TG: variants seen among roughly 807,000 people sequenced by gnomAD.
The protein encoded by TG is thyroglobulin.
In TG, 270 loss-of-function variants were observed where a neutral mutation model predicts 324.7. That is an observed-to-expected ratio of 0.83 (90% CI 0.75 to 0.92). The LOEUF (loss-of-function observed/expected upper bound fraction) is 0.92. Among genes scored for constraint, TG ranks in the 40% least tolerant of loss-of-function variants. The probability of loss-of-function intolerance (pLI) is 0.00; values close to 1 mark genes in which losing one functional copy is unlikely to be tolerated. For missense variants in TG, 3,591 were observed against 3,456.4 expected, an observed-to-expected ratio of 1.04 and a Z score of -0.98; for synonymous variants, 1,401 against 1,327.0, an observed-to-expected ratio of 1.06 and a Z score of -1.21.
intron 39 of TG, 34 bp from the exon 40 acceptor site, chr8:133,021,957 A>G (rs377046841): frequency 8.1e-5 from 131 of 1,613,688 alleles, no homozygotes; most frequent in Non-Finnish European, 1.1e-4. Context: ...TGCCCTCCCC[A>G]CACTTTAGCC....
In TG at chr8:132,867,041, T is replaced by G. The variant is rs577354103; in HGVS notation, c.41T>G (p.Ile14Ser). The G allele has an allele frequency of 3.1e-6, 5 of 1,601,908 alleles. No homozygotes were observed. Among genetic ancestry groups the G allele is most frequent in the Non-Finnish European group, 4.3e-6 (5 of 1,173,298 alleles). The part of the protein sequence containing the change: ...VLEIFTLLAS[I>S]CWVSANIFEY... ...GAGATCTTCACCCTGCTGGCCTCCATCTGCTGGGTGTCGGCCAATATCTTC... is the reference window on the plus strand; with the variant it reads ...GAGATCTTCACCCTGCTGGCCTCCAGCTGCTGGGTGTCGGCCAATATCTTC... Residue 14 changes from isoleucine (I) to serine (S), a missense_variant, in exon 1 of 48, where the codon ATC (isoleucine) becomes AGC (serine). Physicochemically the swap from Ile to Ser is moderately radical, Grantham distance 142 (BLOSUM62 -2). Transcript: ENST00000220616.
At chr8:132,871,156 C>G (rs1839446006) in intron 3 of TG, among the ~76,000 whole-genome samples, 192 bp from the exon 4 acceptor site, 2 of 152,178 alleles carry the variant, frequency 1.3e-5, no homozygotes, top group African/African-American at 4.8e-5. Flanking sequence ...GCGAGATCAG[C>G]CCTTCTCTGA....
chr8:132,924,141 G>A (rs1821491320), intron 22 of TG, among the ~76,000 whole-genome samples: 1 of 151,840 alleles, frequency 6.6e-6, no homozygotes, highest in Admixed American at 6.6e-5. Flanking sequence ...TGGGGGTGAT[G>A]GGAGACAGTG....
intron 26 of TG, among the ~76,000 whole-genome samples, chr8:132,948,355 G>C (rs1461234504): frequency 2.0e-5 from 3 of 152,058 alleles, no homozygotes; most frequent in African/African-American, 7.2e-5. Flanking sequence ...GAATATGATG[G>C]GAAATGAGGC....
chr8:133,053,555 A>C (rs761404945), intron 41 of TG, among the ~76,000 whole-genome samples: 3 of 152,182 alleles, frequency 2.0e-5, no homozygotes, highest in Non-Finnish European at 2.9e-5. Context: ...AAACGTGTTG[A>C]AATGGGGAGG....
chr8:133,096,074 C>T, intron 42 of TG, 132 bp from the exon 43 acceptor site: 1 of 1,115,378 alleles, frequency 9.0e-7, no homozygotes, highest in Non-Finnish European at 1.3e-6. Context: ...TGCCAGTTGT[C>T]CTGGTCACTT....
At chr8:132,925,512 A>AGTGTGTGTGTGTGT (rs1262863949) in intron 22 of TG, among the ~76,000 whole-genome samples, 1 of 67,178 alleles carries the variant, frequency 1.5e-5, no homozygotes, top group Non-Finnish European at 3.4e-5. Context: ...AGTCCTAAGG[A>AGTGTGTGTGTGTGT]GTGCGTGTGT....
chr8:133,113,401 C>T (rs200420793), intron 43 of TG, 21 bp from the exon 44 acceptor site: 116 of 1,612,060 alleles, frequency 7.2e-5, no homozygotes, highest in South Asian at 6.6e-4. Context: ...TGAGGAATTT[C>T]GTATCTTTTT....
chr8:132,931,089 T>C (rs948637300), intron 23 of TG, among the ~76,000 whole-genome samples: 57 of 152,310 alleles, frequency 3.7e-4, no homozygotes, highest in African/African-American at 1.3e-3. Context: ...AAGTCCAGGA[T>C]CAAGGTGTTG....
chr8:133,048,815 G>T (rs2253035), intron 41 of TG: 1 of 169,660 alleles, frequency 5.9e-6, no homozygotes, highest in Non-Finnish European at 1.3e-5. Flanking sequence ...CATGGAAGTG[G>T]CATCTGGTAT....
intron 41 of TG, among the ~76,000 whole-genome samples, chr8:133,093,972 G>A (rs893978902): frequency 6.6e-6 from 1 of 152,160 alleles, no homozygotes. Context: ...TCCATCAGTG[G>A]CAGTAGCAGG....
intron 24 of TG, 83 bp from the exon 25 acceptor site, chr8:132,935,672 GC>G (rs1823477492): frequency 1.6e-6 from 2 of 1,248,516 alleles, no homozygotes; most frequent in Non-Finnish European, 1.2e-6. Flanking sequence ...CTGGTGCCTA[GC>G]CATGGTTAGG....
At position 132,951,736 on chromosome 8, in the gene TG, G is replaced by C. The variant is rs1380003753; in HGVS notation, c.5401+2793G>C. Among the ~76,000 whole-genome samples, 6 of 152,162 alleles carry C rather than the reference G, an allele frequency of 3.9e-5. No homozygotes were observed. The East Asian group carries it at 1.2e-3, about 29-fold the overall frequency. ...GCCCTATACAAAGGCTGAGTAGGAG[G>C]CTACCTCCAACTGAAGGCAACAGGG... On this transcript the variant is annotated intron_variant, in intron 27 of 47. Coordinates refer to ENST00000220616, the MANE Select transcript of TG (RefSeq NM_003235.5).
At chr8:133,088,573 T>A (rs1411501519) in intron 41 of TG, among the ~76,000 whole-genome samples, 1 of 152,220 alleles carries the variant, frequency 6.6e-6, no homozygotes, top group Non-Finnish European at 1.5e-5. Flanking sequence ...AAAATGTGAA[T>A]AAATGATGTG....
intron 10 of TG, among the ~76,000 whole-genome samples, chr8:132,891,903 GA>G (rs145207234): frequency 9.3e-4 from 142 of 152,322 alleles, no homozygotes; most frequent in African/African-American, 3.1e-3. Flanking sequence ...TGTGATGTTT[GA>G]AGTAAATTTG....
Position 132,941,694 on chromosome 8 carries a change from A to G in TG, c.5233+152A>G, listed in dbSNP as rs940631323. On this transcript the variant is annotated intron_variant, in intron 26 of 47. Coordinates refer to ENST00000220616, the MANE Select transcript of TG (RefSeq NM_003235.5). ...TGACAGTCAAGTACACAATACACAC[A>G]TGATACTCACATTCACATTCCACAT... is the stretch of plus-strand genomic sequence containing the variant. 54 of 820,832 alleles carry G rather than the reference A, an allele frequency of 6.6e-5. No homozygotes were observed. In the African/African-American group the frequency reaches 6.8e-4, roughly 10 times the overall value. The allele number at this position is 820,832 out of a possible 1,614,324, so 50.8% of individuals were successfully genotyped here. A position where few individuals can be genotyped will look rare whatever the true frequency, so the allele number is the denominator to read the frequency against.
chr8:133,075,014 G>A (rs1329150337), intron 41 of TG: 1 of 985,326 alleles, frequency 1.0e-6, no homozygotes, highest in African/African-American at 1.7e-5. Context: ...CAGAAGAACT[G>A]CAGTTGCTAA....
chr8:133,131,286 C>T (rs1198572379), intron 45 of TG, among the ~76,000 whole-genome samples: 1 of 152,222 alleles, frequency 6.6e-6, no homozygotes, highest in African/African-American at 2.4e-5. Context: ...ATATTTAATC[C>T]AGTCTAGCAT....
rs1839321661 is a variant in TG, at chr8:132,869,883, A to G, written c.274+57A>G. ...GACCCTGCTAGGACAACTCACTTCC[A>G]GGAATGAGCACTGGGTTTGGGTGGG... On this transcript the variant is annotated intron_variant, in intron 3 of 47. Coordinates refer to ENST00000220616, the MANE Select transcript of TG (RefSeq NM_003235.5). 4 of 1,516,438 alleles carry G rather than the reference A, an allele frequency of 2.6e-6. No homozygotes were observed. The South Asian group carries it at 4.5e-5, about 17-fold the overall frequency. 93.9% of individuals were successfully genotyped at this position (1,516,438 alleles called of 1,614,324 possible).
Sources: gnomAD v4.1 joint callset for allele counts (sites outside exome capture counted in the v4.1 genomes callset) on GRCh38, gnomAD v4.1.1 for gene constraint, MANE v1.5 for transcripts, NCBI Gene and HGNC (gene_info 2026-07-23, HGNC 2026-07-21) for gene names.